Variants in ALG5 observed in about 807,000 individuals in gnomAD.
The protein encoded by ALG5 is ALG5 dolichyl-phosphate beta-glucosyltransferase.
A neutral mutation model predicts 51.8 loss-of-function variants in ALG5; 26 were observed. The observed-to-expected ratio is 0.50, with a 90% CI of 0.37 to 0.70. The LOEUF is 0.70. ALG5 is among the 30% of genes least tolerant of loss of function. The pLI, the probability that ALG5 is intolerant of heterozygous loss-of-function variation, is 0.00. For missense variants in ALG5, 311 were observed against 399.3 expected, an observed-to-expected ratio of 0.78 and a Z score of 1.88; for synonymous variants, 141 against 136.1, an observed-to-expected ratio of 1.04 and a Z score of -0.25.
chr13:36,950,271 A>G (rs2058812506), intron 9 of ALG5, among the ~76,000 whole-genome samples: 1 of 152,164 alleles, frequency 6.6e-6, no homozygotes, highest in South Asian at 2.1e-4. Context: ...ATGAAACTTG[A>G]GAGGATCTAA....
At chr13:36,997,466 C>CAAA (rs57878611) in intron 1 of ALG5, among the ~76,000 whole-genome samples, 12 of 78,096 alleles carry the variant, frequency 1.5e-4, no homozygotes, top group Non-Finnish European at 2.7e-4. Context: ...GACTCCGTCT[C>CAAA]AAAAAAAAAA....
intron 4 of ALG5, among the ~76,000 whole-genome samples, chr13:36,989,986 C>G (rs2059018684): frequency 6.6e-6 from 1 of 152,216 alleles, no homozygotes; most frequent in South Asian, 2.1e-4. Context: ...TTCTGGTCTG[C>G]AATCGCTCTT....
chr13:36,976,785 A>G (rs1337521668), intron 6 of ALG5, among the ~76,000 whole-genome samples: 2 of 152,038 alleles, frequency 1.3e-5, no homozygotes, highest in African/African-American at 4.8e-5. Flanking sequence ...TTTGCCTACT[A>G]TTTAGTAGTA....
chr13:36,956,918 G>A (rs960959706), intron 8 of ALG5, among the ~76,000 whole-genome samples: 1 of 151,908 alleles, frequency 6.6e-6, no homozygotes, highest in African/African-American at 2.4e-5. Context: ...CCTAGTATGG[G>A]GTAATCTCCT....
intron 7 of ALG5, among the ~76,000 whole-genome samples, chr13:36,969,456 C>A (rs2058910987): frequency 6.6e-6 from 1 of 151,356 alleles, no homozygotes; most frequent in African/African-American, 2.4e-5. Flanking sequence ...ACTTAAAAAA[C>A]CATTAAATTA....
chr13:36,995,386 CA>C, intron 2 of ALG5, 38 bp downstream of exon 2: 1 of 1,569,544 alleles, frequency 6.4e-7, no homozygotes, highest in South Asian at 1.2e-5. Context: ...TTTTCTTTTC[CA>C]AACTACCCTT....
chr13:36,999,194 G>C, intron 1 of ALG5, 41 bp downstream of exon 1: 1 of 1,522,092 alleles, frequency 6.6e-7, no homozygotes, highest in Non-Finnish European at 8.8e-7. Flanking sequence ...CCAGGAGAGC[G>C]GTAAGCCCCG....
chr13:36,967,650 G>A, intron 7 of ALG5: 1 of 403,294 alleles, frequency 2.5e-6, no homozygotes, highest in South Asian at 1.9e-5. Flanking sequence ...ATTAGTTATG[G>A]GTTGATGTAA....
chr13:36,993,151 A>G (rs2059032941), intron 4 of ALG5, among the ~76,000 whole-genome samples: 1 of 152,144 alleles, frequency 6.6e-6, no homozygotes, highest in Admixed American at 6.5e-5. Context: ...ACATCATACT[A>G]TTCAAAGTGC....
rs543181598 is a variant in ALG5, at chr13:36,975,501, GT to G, written c.562-3466del. On this transcript the variant is annotated intron_variant, in intron 6 of 9. Transcript: ENST00000239891. Reference sequence around the variant, plus strand: ...TTTGTCATAATAGTGCTGCATGGTAGTTTTTCTTTTTCTTGTCAATTGTAAG... The same window carrying G: ...TTTGTCATAATAGTGCTGCATGGTAGTTTTCTTTTTCTTGTCAATTGTAAG... Among the ~76,000 whole-genome samples, 59 of 152,182 alleles carry G rather than the reference GT, an allele frequency of 3.9e-4. 1 individual carries two copies. The South Asian group carries it at 0.011, about 29-fold the overall frequency.
intron 1 of ALG5, 94 bp from the exon 2 acceptor site, chr13:36,995,690 T>C (rs923438812): frequency 1.5e-5 from 18 of 1,205,010 alleles, no homozygotes; most frequent in Non-Finnish European, 2.0e-5. Context: ...ACTTTTCTTT[T>C]AGTTGAATAC....
At position 36,975,737 on chromosome 13, in the gene ALG5, A is replaced by G. The variant is rs532298780; in HGVS notation, c.562-3701T>C. On this transcript the variant is annotated intron_variant, in intron 6 of 9. Coordinates refer to ENST00000239891, the MANE Select transcript of ALG5 (RefSeq NM_013338.5). ...ATGTTTTTTAATGCATATGGGCCAA[A>G]TTTTCCTTTAAAAGGTTCTTTACCT... is the stretch of plus-strand genomic sequence containing the variant. Among the ~76,000 whole-genome samples the G allele has an allele frequency of 1.9e-3, 292 of 152,214 alleles. 1 individual carries two copies. The highest frequency in any genetic ancestry group is 6.4e-3 in the African/African-American group (266 of 41,546).
intron 7 of ALG5, among the ~76,000 whole-genome samples, chr13:36,969,938 T>G (rs1324318218): frequency 6.6e-6 from 1 of 151,992 alleles, no homozygotes; most frequent in Non-Finnish European, 1.5e-5. Flanking sequence ...ATAGTCTCCA[T>G]TATCATCAGC....
intron 9 of ALG5, among the ~76,000 whole-genome samples, chr13:36,951,146 CA>C (rs1320123846): frequency 6.6e-6 from 1 of 152,130 alleles, no homozygotes; most frequent in Non-Finnish European, 1.5e-5. Context: ...TATTACAAGA[CA>C]ACTATCTCTG....
At chr13:36,976,790 G>A (rs569528216) in intron 6 of ALG5, among the ~76,000 whole-genome samples, 2 of 152,184 alleles carry the variant, frequency 1.3e-5, no homozygotes, top group South Asian at 4.2e-4. Flanking sequence ...CTACTATTTA[G>A]TAGTAAAATA....
chr13:36,993,497 T>A (rs892437308), intron 4 of ALG5, 107 bp downstream of exon 4: 5 of 897,156 alleles, frequency 5.6e-6, no homozygotes, highest in Admixed American at 5.4e-5. Context: ...ATGGAGAGTG[T>A]TAGGCACAGC....
intron 6 of ALG5, among the ~76,000 whole-genome samples, chr13:36,978,919 T>A (rs201974387): frequency 1.2e-4 from 16 of 135,314 alleles, no homozygotes; most frequent in Non-Finnish European, 1.2e-4. Flanking sequence ...TGGTCTCAAT[T>A]AAAAAAAAAA....
At chr13:36,951,142 A>G (rs1434345086) in intron 9 of ALG5, among the ~76,000 whole-genome samples, 1 of 152,188 alleles carries the variant, frequency 6.6e-6, no homozygotes, top group Non-Finnish European at 1.5e-5. Flanking sequence ...TTCATATTAC[A>G]AGACAACTAT....
At chr13:36,997,310 T>C (rs1454747415) in intron 1 of ALG5, among the ~76,000 whole-genome samples, 2 of 151,270 alleles carry the variant, frequency 1.3e-5, no homozygotes, top group Non-Finnish European at 2.9e-5. Flanking sequence ...CCATCTCTAT[T>C]AAAAGTACAA....
Sources: allele counts gnomAD v4.1 joint callset (sites outside exome capture counted in the v4.1 genomes callset), GRCh38; gene constraint gnomAD v4.1.1; transcripts MANE v1.5; gene names NCBI Gene and HGNC (gene_info 2026-07-23, HGNC 2026-07-21).